UQCC6: variants seen among roughly 807,000 people sequenced by gnomAD.
UQCC6 encodes the protein protein BRAWNIN.
At chr12:103,956,601 A>G in the UQCC6 span, 75 of 1,445,686 alleles carry the variant, frequency 5.2e-5, no homozygotes, top group Non-Finnish European at 6.2e-5. Context: ...ATTTAGCTCA[A>G]AAATAAAATA....
the UQCC6 span, chr12:103,954,908 C>T: frequency 5.7e-6 from 4 of 699,206 alleles, no homozygotes; most frequent in East Asian, 5.4e-5. Flanking sequence ...ATCCTCAAAT[C>T]GTCTCACTAA....
the UQCC6 span, chr12:103,950,416 G>T: frequency 0.41 from 62,327 of 151,976 alleles, 14,039 homozygotes; most frequent in African/African-American, 0.59. Flanking sequence ...GGTGGGCCCA[G>T]CAGAGTTGCC....
the UQCC6 span, among the ~76,000 whole-genome samples, chr12:103,952,519 A>G: frequency 1.3e-5 from 2 of 152,174 alleles, no homozygotes; most frequent in African/African-American, 4.8e-5. Context: ...ATGTGTTTTC[A>G]TGTCTATTGG....
chr12:103,962,384 T>G, the UQCC6 span, among the ~76,000 whole-genome samples: 6 of 152,258 alleles, frequency 3.9e-5, no homozygotes, highest in African/African-American at 1.4e-4. Flanking sequence ...TTGTCTTCTA[T>G]ATTTTCTTCT....
the UQCC6 span, among the ~76,000 whole-genome samples, chr12:103,954,055 CA>C: frequency 0.085 from 12,960 of 152,218 alleles, 847 homozygotes; most frequent in East Asian, 0.31. Context: ...ATTGTTTGTA[CA>C]AAAACTACAT....
the UQCC6 span, chr12:103,957,357 C>T: frequency 0.19 from 29,495 of 151,488 alleles, 3,266 homozygotes; most frequent in East Asian, 0.52. Flanking sequence ...GCCCCAGGCT[C>T]CCAGCACCTC....
the UQCC6 span, among the ~76,000 whole-genome samples, chr12:103,964,425 G>A: frequency 2.6e-5 from 4 of 152,128 alleles, no homozygotes; most frequent in East Asian, 3.9e-4. Context: ...GCCTCCTCAC[G>A]TTAACTTTCT....
chr12:103,950,441 T>C, the UQCC6 span: 1 of 152,218 alleles, frequency 6.6e-6, no homozygotes, highest in Non-Finnish European at 1.5e-5. Flanking sequence ...ACTCACGTGC[T>C]GAAGTGGCCA....
the UQCC6 span, among the ~76,000 whole-genome samples, chr12:103,961,376 C>G: frequency 1.3e-5 from 2 of 152,074 alleles, no homozygotes; most frequent in Admixed American, 1.3e-4. Flanking sequence ...TTTTAATAAA[C>G]TTAGTGTAGC....
chr12:103,953,455 G>A, the UQCC6 span: 3 of 702,310 alleles, frequency 4.3e-6, no homozygotes, highest in Non-Finnish European at 7.8e-6. Flanking sequence ...CACAAGTCTA[G>A]GCAGTCATCA....
the UQCC6 span, chr12:103,956,954 G>A: frequency 1.5e-5 from 8 of 545,482 alleles, no homozygotes; most frequent in Admixed American, 6.3e-5. Flanking sequence ...CCAGGCCGAG[G>A]CCCAGCCCCA....
At chr12:103,957,880 A>G in the UQCC6 span, among the ~76,000 whole-genome samples, 1 of 120,358 alleles carries the variant, frequency 8.3e-6, no homozygotes. Flanking sequence ...GCAAGACTCC[A>G]TCTCTACTAA....
the UQCC6 span, chr12:103,951,386 C>T: frequency 9.2e-5 from 47 of 508,836 alleles, 1 homozygote; most frequent in South Asian, 1.4e-3. Context: ...TAAATTTCAA[C>T]GTATCGGCTA....
the UQCC6 span, among the ~76,000 whole-genome samples, chr12:103,960,552 G>A: frequency 6.6e-6 from 1 of 151,966 alleles, no homozygotes; most frequent in Non-Finnish European, 1.5e-5. Context: ...CATGACTAAT[G>A]ATTCAGATAT....
At chr12:103,954,852 A>G in the UQCC6 span, 2 of 677,316 alleles carry the variant, frequency 3.0e-6, no homozygotes, top group Middle Eastern at 4.7e-4. Flanking sequence ...TATTTTATGA[A>G]CAGGAGCAAA....
At chr12:103,951,797 T>C in the UQCC6 span, among the ~76,000 whole-genome samples, 8 of 152,348 alleles carry the variant, frequency 5.3e-5, 1 homozygote, top group South Asian at 1.7e-3. Flanking sequence ...TAAGTCCCTT[T>C]CTAACCCTGT....
At chr12:103,958,055 T>TAC in the UQCC6 span, among the ~76,000 whole-genome samples, 1 of 146,760 alleles carries the variant, frequency 6.8e-6, no homozygotes, top group Non-Finnish European at 1.5e-5. Context: ...TGTATATATA[T>TAC]ACACACAAAA....
chr12:103,965,365 CGG>C, the UQCC6 span, among the ~76,000 whole-genome samples: 3 of 152,178 alleles, frequency 2.0e-5, no homozygotes, highest in South Asian at 4.1e-4. Context: ...CAAAGTAATG[CGG>C]AGAGTGGTTT....
At chr12:103,954,686 A>G in the UQCC6 span, 1 of 447,936 alleles carries the variant, frequency 2.2e-6, no homozygotes, top group Non-Finnish European at 4.0e-6. Flanking sequence ...TGGACATTCA[A>G]CAACAGTGAG....
Sources: allele counts gnomAD v4.1 joint callset (sites outside exome capture counted in the v4.1 genomes callset), GRCh38; gene constraint gnomAD v4.1.1; transcripts MANE v1.5; gene names NCBI Gene and HGNC (gene_info 2026-07-23, HGNC 2026-07-21).